The following RP1 variants were observed in gnomAD, a reference collection of about 807,000 sequenced individuals.
RP1 encodes the protein RP1 axonemal microtubule associated.
Under a neutral mutation model 14.8 loss-of-function variants are expected in RP1, and 16 were observed. That is an observed-to-expected ratio of 1.08 (90% CI 0.73 to 1.65). The LOEUF is 1.65. Ranked by LOEUF, RP1 falls within the 40% of genes most tolerant of loss-of-function variation. The pLI, the probability that RP1 is intolerant of heterozygous loss-of-function variation, is 0.00. For synonymous variants in RP1, 876 were observed against 883.6 expected, an observed-to-expected ratio of 0.99 and a Z score of 0.15; for missense variants, 2,631 against 2,535.0, an observed-to-expected ratio of 1.04 and a Z score of -0.81.
At chr8:54,739,482 A>G (rs964685811) in intron 19 of RP1, among the ~76,000 whole-genome samples, 1 of 151,894 alleles carries the variant, frequency 6.6e-6, no homozygotes, top group East Asian at 1.9e-4. Context: ...AATATGGTTC[A>G]TTCTTGCGAA....
At chr8:54,852,830 T>C in intron 26 of RP1, 1 of 846,388 alleles carries the variant, frequency 1.2e-6, no homozygotes, top group Non-Finnish European at 1.6e-6. Context: ...GCTCAGTTGA[T>C]TCCTGTGAGG....
chr8:54,598,361 A>G (rs1465106238), intron 1 of RP1, among the ~76,000 whole-genome samples: 1 of 152,168 alleles, frequency 6.6e-6, no homozygotes, highest in Non-Finnish European at 1.5e-5. Flanking sequence ...CAGTCTACTG[A>G]TGTAGACATT....
At chr8:54,737,945 G>T (rs78517288) in intron 18 of RP1, among the ~76,000 whole-genome samples, 1,628 of 151,928 alleles carry the variant, frequency 0.011, 31 homozygotes, top group African/African-American at 0.037. Flanking sequence ...AATAACAATG[G>T]CTATTATTGA....
Position 54,629,561 on chromosome 8 carries a change from C to T in RP1, c.5679C>T (p.Gly1893=). Residue 1893 remains glycine, a synonymous_variant, in exon 4 of 4, where the codon GGC becomes GGT. Coordinates refer to ENST00000220676, the MANE Select transcript of RP1 (RefSeq NM_006269.2). ...DDAIKNQPLP[G]SNMIHGTLQE... ...CTATTAAAAACCAACCATTGCCTGG[C>T]AGTAATATGATTCATGGTACACTTC... The T allele has an allele frequency of 1.9e-6, 3 of 1,613,994 alleles. No individual in the cohort carries two copies. Among genetic ancestry groups the T allele is most frequent in the Non-Finnish European group, 2.5e-6 (3 of 1,179,998 alleles).
intron 12 of RP1, among the ~76,000 whole-genome samples, chr8:54,682,516 A>AT: frequency 6.6e-6 from 1 of 152,284 alleles, no homozygotes; most frequent in East Asian, 1.9e-4. Context: ...ACATGCACAC[A>AT]TATGTTTATT....
intron 25 of RP1, among the ~76,000 whole-genome samples, chr8:54,838,665 G>GTGTGC (rs1406990123): frequency 6.6e-6 from 1 of 152,128 alleles, no homozygotes; most frequent in Non-Finnish European, 1.5e-5. Flanking sequence ...GTATACGTGT[G>GTGTGC]TGTGCATATT....
Position 54,629,824 on chromosome 8 carries a change from T to C in RP1, c.5942T>C (p.Ile1981Thr), listed in dbSNP as rs866049923. 6.2e-7 allele frequency: 1 copy of C among 1,613,014 alleles called. No individual in the cohort carries two copies. Among genetic ancestry groups the C allele is most frequent in the Middle Eastern group, 1.7e-4 (1 of 6,060 alleles). ...NNKASMRQNL[I>T]DNAIGDIFDQ... is the part of the protein sequence containing the mutation. ...AAAGCAAGTATGAGACAAAATCTTA[T>C]TGATAATGCCATTGGTGATATATTT... is the stretch of plus-strand genomic sequence containing the variant. The change falls in exon 4 of 4, where the codon ATT becomes ACT. Residue 1981 changes from isoleucine (I) to threonine (T), a missense_variant. Coordinates refer to ENST00000220676, the MANE Select transcript of RP1 (RefSeq NM_006269.2).
chr8:54,833,378 C>T (rs1050604292), intron 24 of RP1, among the ~76,000 whole-genome samples: 2 of 151,882 alleles, frequency 1.3e-5, no homozygotes, highest in African/African-American at 4.8e-5. Flanking sequence ...GGCTTCTCTG[C>T]CTGCTTTGTT....
intron 1 of RP1, among the ~76,000 whole-genome samples, chr8:54,600,313 T>C (rs759432562): frequency 4.6e-5 from 7 of 152,192 alleles, no homozygotes; most frequent in African/African-American, 9.6e-5. Context: ...TGCCCAGCCA[T>C]GTAGAACTTT....
At chr8:54,792,439 G>A (rs1475595203) in intron 24 of RP1, among the ~76,000 whole-genome samples, 1 of 151,792 alleles carries the variant, frequency 6.6e-6, no homozygotes, top group Admixed American at 6.6e-5. Flanking sequence ...AAATATCCAG[G>A]ATAGATCATA....
Position 54,673,928 on chromosome 8 carries a change from G to T in RP1, c.1402G>T (p.Gly468Ter). ...GATAGGCCATGATGGACTTGGCCCA[G>T]GTAAGACTCTTCCACAGAGAGTTCA... The change falls in exon 8 of 23, where the codon GGA (glycine) becomes TGA (stop). Residue 468 changes from glycine (G) to a stop codon, truncating the protein, a stop_gained and splice_region_variant. Coordinates refer to the RP1 transcript ENST00000636932. LOFTEE classifies it high-confidence loss of function. The T allele has an allele frequency of 1.3e-6, 2 of 1,534,440 alleles. No homozygotes were observed. Among genetic ancestry groups the T allele is most frequent in the Non-Finnish European group, 1.7e-6 (2 of 1,145,548 alleles).
chr8:54,650,354 T>G (rs1027378094), intron 4 of RP1, among the ~76,000 whole-genome samples: 6 of 152,194 alleles, frequency 3.9e-5, no homozygotes, highest in Non-Finnish European at 5.9e-5. Context: ...GTAAGGGTTC[T>G]TAGGCAGACT....
chr8:54,745,920 A>G (rs1444715749), intron 19 of RP1, among the ~76,000 whole-genome samples: 1 of 152,168 alleles, frequency 6.6e-6, no homozygotes, highest in Non-Finnish European at 1.5e-5. Flanking sequence ...GGGTCTTTTT[A>G]GTATTGATAG....
At chr8:54,845,480 AG>A (rs1395399927) in intron 25 of RP1, among the ~76,000 whole-genome samples, 1 of 152,194 alleles carries the variant, frequency 6.6e-6, no homozygotes. Context: ...AGGGAAACCA[AG>A]ACGCCCGGTG....
intron 16 of RP1, chr8:54,720,379 A>C: frequency 7.6e-7 from 1 of 1,320,190 alleles, no homozygotes; most frequent in Non-Finnish European, 1.0e-6. Context: ...TGAAAATTTC[A>C]TCACATTTTT....
At chr8:54,866,780 C>T (rs956921596) in intron 28 of RP1, among the ~76,000 whole-genome samples, 3 of 152,210 alleles carry the variant, frequency 2.0e-5, no homozygotes, top group East Asian at 1.9e-4. Context: ...GAAATGTTAA[C>T]GACATGAGGG....
At chr8:54,727,995 T>C (rs1340347387) in intron 17 of RP1, among the ~76,000 whole-genome samples, 1 of 152,068 alleles carries the variant, frequency 6.6e-6, no homozygotes, top group African/African-American at 2.4e-5. Context: ...AGTTTCTTCA[T>C]GAACTTTTTA....
chr8:54,741,973 A>T (rs917574202), intron 19 of RP1, among the ~76,000 whole-genome samples: 8 of 151,608 alleles, frequency 5.3e-5, no homozygotes, highest in Non-Finnish European at 1.0e-4. Flanking sequence ...TTAATATCCT[A>T]TTTTACATAT....
chr8:54,668,943 A>G (rs1417688441), intron 7 of RP1, among the ~76,000 whole-genome samples: 4 of 152,196 alleles, frequency 2.6e-5, no homozygotes, highest in Admixed American at 2.6e-4. Context: ...AAACCTAGGC[A>G]ATACTATTCA....
Sources: gnomAD v4.1 joint callset for allele counts (sites outside exome capture counted in the v4.1 genomes callset) on GRCh38, gnomAD v4.1.1 for gene constraint, MANE v1.5 for transcripts, NCBI Gene and HGNC (gene_info 2026-07-23, HGNC 2026-07-21) for gene names.